SYTL5: variants seen among roughly 807,000 people sequenced by gnomAD.
SYTL5 encodes synaptotagmin-like protein 5.
Under a neutral mutation model 55.9 loss-of-function variants are expected in SYTL5, and 34 were observed. That is an observed-to-expected ratio of 0.61 (90% CI 0.46 to 0.81). SYTL5 has a LOEUF of 0.81. SYTL5 is among the 30% of genes least tolerant of loss of function. The probability of loss-of-function intolerance (pLI) is 0.00; values close to 1 mark genes in which losing one functional copy is unlikely to be tolerated. For synonymous variants in SYTL5, 221 were observed against 188.7 expected (o/e 1.17, Z -1.40); for missense variants, 637 against 546.7 (o/e 1.17, Z -1.65).
At chrX:37,913,767 C>G in the SYTL5 span, among the ~76,000 whole-genome samples, 1 of 112,309 alleles carries the variant, frequency 8.9e-6, no homozygotes, top group Non-Finnish European at 1.9e-5. Context: ...CTCAGAGGGT[C>G]TAACTAAGTA....
At position 38,094,355 on chromosome X, in the gene SYTL5, A is replaced by C. The variant is rs1936872206; in HGVS notation, c.892A>C (p.Thr298Pro). Residue 298 changes from threonine (T) to proline (P), a missense_variant, in exon 8 of 17, where the codon ACA (threonine) becomes CCA (proline). Physicochemically the swap from Thr to Pro is conservative, Grantham distance 38. Coordinates refer to ENST00000297875, the MANE Select transcript of SYTL5 (RefSeq NM_138780.3). ...TATTGAAGGTACCTCTCAGGAGCTC[A>C]CAAAGAGTCACCGCAGAAACACTTC... ...AAIEGTSQEL[T>P]KSHRRNTSGT... The C allele has an allele frequency of 1.7e-6, 2 of 1,206,831 alleles. No individual in the cohort carries two copies. Among genetic ancestry groups the C allele is most frequent in the East Asian group, 5.9e-5 (2 of 33,786 alleles).
intron 2 of SYTL5, among the ~76,000 whole-genome samples, chrX:38,036,667 T>C (rs1363444136): frequency 3.6e-5 from 4 of 112,252 alleles, no homozygotes; most frequent in African/African-American, 1.3e-4. Context: ...GCTTGGTGTA[T>C]TCAGAAGTCA....
Position 38,076,611 on chromosome X carries a change from T to A in SYTL5, c.599T>A (p.Ile200Lys). The change falls in exon 6 of 17, where the codon ATA (isoleucine) becomes AAA (lysine). Residue 200 changes from isoleucine (I) to lysine (K), a missense_variant. Transcript: ENST00000297875. ...KFRSATRGEI[I>K]TPKTDTGRSY... Reference sequence around the variant, plus strand: ...AGATCGGCAACCAGAGGAGAAATCATAACTCCCAAAACTGACACTGGGCGG... The same window carrying A: ...AGATCGGCAACCAGAGGAGAAATCAAAACTCCCAAAACTGACACTGGGCGG... 1 of 1,209,680 alleles carries A rather than the reference T, an allele frequency of 8.3e-7. No individual in the cohort carries two copies. The highest frequency in any genetic ancestry group is 1.1e-6 in the Non-Finnish European group (1 of 893,619).
chrX:37,984,072 C>T, the SYTL5 span, among the ~76,000 whole-genome samples: 1 of 110,848 alleles, frequency 9.0e-6, no homozygotes. Context: ...ATTAACCTTC[C>T]ACCTAAGAGA....
the SYTL5 span, among the ~76,000 whole-genome samples, chrX:37,934,418 T>C: frequency 5.4e-3 from 581 of 107,631 alleles, 2 homozygotes; most frequent in Non-Finnish European, 9.5e-3. Flanking sequence ...AATAAAACTT[T>C]CAGTCGAGGT....
chrX:37,966,725 C>T, the SYTL5 span, among the ~76,000 whole-genome samples: 4 of 111,320 alleles, frequency 3.6e-5, no homozygotes, highest in South Asian at 7.6e-4. Flanking sequence ...CATGAGCCAC[C>T]GCGCCCAGCT....
At chrX:37,999,092 A>C in the SYTL5 span, among the ~76,000 whole-genome samples, 2 of 112,337 alleles carry the variant, frequency 1.8e-5, no homozygotes, top group Non-Finnish European at 3.8e-5. Context: ...AGACTGGTAT[A>C]CACCCTGTCC....
the SYTL5 span, among the ~76,000 whole-genome samples, chrX:37,982,970 A>G: frequency 1.8e-5 from 2 of 111,496 alleles, no homozygotes. Flanking sequence ...CTGTATCTCA[A>G]TGGAATTCAG....
chrX:38,109,079 A>G (rs1034123862), intron 12 of SYTL5, among the ~76,000 whole-genome samples: 5 of 112,028 alleles, frequency 4.5e-5, no homozygotes, highest in Admixed American at 2.8e-4. Flanking sequence ...GCACGCATTC[A>G]TTGTTCTGCT....
At chrX:37,980,693 C>T in the SYTL5 span, among the ~76,000 whole-genome samples, 4 of 111,694 alleles carry the variant, frequency 3.6e-5, no homozygotes, top group African/African-American at 9.8e-5. Flanking sequence ...CCAAGGGCTA[C>T]CTTTAAGAGA....
chrX:37,917,322 T>G, the SYTL5 span, among the ~76,000 whole-genome samples: 1 of 111,761 alleles, frequency 8.9e-6, no homozygotes, highest in African/African-American at 3.2e-5. Context: ...TTTCTGCCCT[T>G]TAAGATTTGT....
chrX:37,926,254 G>C, the SYTL5 span, among the ~76,000 whole-genome samples: 1 of 111,661 alleles, frequency 9.0e-6, no homozygotes, highest in Non-Finnish European at 1.9e-5. Context: ...TCATATACCT[G>C]TTTGCTATTT....
intron 6 of SYTL5, among the ~76,000 whole-genome samples, chrX:38,082,646 C>A (rs758123224): frequency 1.8e-5 from 2 of 112,377 alleles, no homozygotes; most frequent in Non-Finnish European, 1.9e-5. Context: ...AGATGTTCTG[C>A]GTGCTATGGG....
the SYTL5 span, among the ~76,000 whole-genome samples, chrX:37,919,103 A>G: frequency 1.5e-4 from 17 of 111,259 alleles, no homozygotes; most frequent in African/African-American, 5.6e-4. Flanking sequence ...AGTTTCTTCT[A>G]TCTCTGCATA....
the SYTL5 span, among the ~76,000 whole-genome samples, chrX:37,920,912 G>A: frequency 9.0e-6 from 1 of 111,332 alleles, no homozygotes; most frequent in Admixed American, 9.6e-5. Flanking sequence ...AGGCCCACCT[G>A]ACTACTGACT....
chrX:38,012,065 G>A (rs759654967), intron 1 of SYTL5, among the ~76,000 whole-genome samples: 8 of 111,705 alleles, frequency 7.2e-5, no homozygotes, highest in East Asian at 2.8e-4. Context: ...GTTTAATTTA[G>A]CAGTTTCCAA....
intron 3 of SYTL5, among the ~76,000 whole-genome samples, chrX:38,070,456 G>T (rs780534582): frequency 4.5e-5 from 5 of 110,387 alleles, no homozygotes; most frequent in Non-Finnish European, 9.5e-5. Context: ...ATGATACCCT[G>T]ATTTGCATCT....
chrX:38,120,320 T>G (rs773260594), intron 13 of SYTL5, 38 bp from the exon 14 acceptor site: 4 of 997,733 alleles, frequency 4.0e-6, no homozygotes, highest in Non-Finnish European at 5.7e-6. Context: ...AAGCCAATCA[T>G]CCATACTCTT....
rs762792401 is a variant in SYTL5 at position 38,096,153 on chromosome X, A to G, written c.981A>G (p.Leu327=). The part of the protein sequence containing the change: ...SLSSDQSRSE[L]DLSESFTEDS... ...TTCCAGATCAGAGTCGATCTGAGTTAGATTTGAGTGAGTCATTTACAGAAG... is the reference window on the plus strand; with the variant it reads ...TTCCAGATCAGAGTCGATCTGAGTTGGATTTGAGTGAGTCATTTACAGAAG... Residue 327 remains leucine, a synonymous_variant, in exon 9 of 17, where the codon TTA becomes TTG. Coordinates refer to ENST00000297875, the MANE Select transcript of SYTL5 (RefSeq NM_138780.3). 27 of 1,172,755 alleles carry G rather than the reference A, an allele frequency of 2.3e-5. No individual in the cohort carries two copies. The South Asian group carries it at 4.8e-4, about 21-fold the overall frequency.
Sources: gnomAD v4.1 joint callset for allele counts (sites outside exome capture counted in the v4.1 genomes callset) on GRCh38, gnomAD v4.1.1 for gene constraint, MANE v1.5 for transcripts, NCBI Gene and HGNC (gene_info 2026-07-23, HGNC 2026-07-21) for gene names.